Variants in AP1S1 observed in about 807,000 individuals in gnomAD.
The protein encoded by AP1S1 is adaptor related protein complex 1 subunit sigma 1, also known as AP-1 complex subunit sigma-1A.
AP1S1 carries 13 observed loss-of-function variants against 23.9 expected under a neutral mutation model. The ratio of observed to expected loss-of-function variants is 0.54; its 90% CI spans 0.35 to 0.86. The LOEUF (loss-of-function observed/expected upper bound fraction) is 0.86, where lower values mean the gene tolerates loss of function less well. AP1S1 is among the 40% of genes least tolerant of loss of function. AP1S1 has a pLI of 0.01. For synonymous variants in AP1S1, 84 were observed against 77.7 expected (o/e 1.08, Z -0.43); for missense variants, 119 against 197.6 (o/e 0.60, Z 2.38).
At chr7:101,155,700 GGAT>G (rs1385609538) in intron 1 of AP1S1, among the ~76,000 whole-genome samples, 1 of 152,200 alleles carries the variant, frequency 6.6e-6, no homozygotes, top group African/African-American at 2.4e-5. Flanking sequence ...TGGCACTGGA[GGAT>G]GATATGTTTG....
rs187503350 is a variant in AP1S1, at chr7:101,157,363, G to A, written c.183-14G>A. 1.5e-4 allele frequency: 239 copies of A among 1,549,378 alleles called. No homozygotes were observed. The highest frequency in any genetic ancestry group is 1.9e-4 in the Non-Finnish European group (221 of 1,143,786). On this transcript the variant is annotated splice_polypyrimidine_tract_variant and intron_variant, in intron 2 of 4. Transcript: ENST00000337619. ...GCAAGCTTGTAGCGATGTCTCATGC[G>A]CTCCTCTCCGCAGATATGCCAGCCT...
In AP1S1 at chr7:101,157,485, T is replaced by C; in HGVS notation, c.291T>C (p.Ser97=). 1 of 1,552,538 alleles carries C rather than the reference T, an allele frequency of 6.4e-7. No homozygotes were observed. Among genetic ancestry groups the C allele is most frequent in the Non-Finnish European group, 8.7e-7 (1 of 1,146,216 alleles). Residue 97 remains serine, a splice_region_variant and synonymous_variant, in exon 3 of 5, where the codon AGT becomes AGC. Coordinates refer to ENST00000337619, the MANE Select transcript of AP1S1 (RefSeq NM_001283.5). ...AGCTCTTAGACAAATACTTTGGCAG[T>C]GTAAGTCTCCTCTGCCCACCAGTTT... ...YVELLDKYFG[S]VCELDIIFNF...
At chr7:101,158,914 AAC>A (rs1797038971) in intron 3 of AP1S1, 143 bp from the exon 4 acceptor site, 14 of 1,106,556 alleles carry the variant, frequency 1.3e-5, no homozygotes, top group Non-Finnish European at 1.6e-5. Flanking sequence ...CTAACAAAAT[AAC>A]GAAACAAAAA....
At chr7:101,155,362 C>A (rs529767484) in intron 1 of AP1S1, among the ~76,000 whole-genome samples, 1 of 152,178 alleles carries the variant, frequency 6.6e-6, no homozygotes, top group Admixed American at 6.5e-5. Flanking sequence ...GGCCCAGACC[C>A]CCCGGAACTG....
rs1489427762 is a variant in AP1S1 at position 101,160,988 on chromosome 7, C to A, written c.*422C>A. The A allele has an allele frequency of 2.8e-6, 1 of 358,438 alleles. No homozygotes were observed. The highest frequency in any genetic ancestry group is 5.5e-6 in the Non-Finnish European group (1 of 183,432). The allele number at this position is 358,438 out of a possible 1,614,324, so 22.2% of individuals were successfully genotyped here. On this transcript the variant is annotated 3_prime_UTR_variant, in exon 5 of 5. Transcript: ENST00000337619. ...TCCACCCTCCCCCTAGCCAGCCAGGCAGCTTCTCTGCCTGGGAGGGGAGCC... is the reference window on the plus strand; with the variant it reads ...TCCACCCTCCCCCTAGCCAGCCAGGAAGCTTCTCTGCCTGGGAGGGGAGCC...
Position 101,159,151 on chromosome 7 carries a change from G to A in AP1S1, c.384G>A (p.Lys128=), listed in dbSNP as rs764957318. 1 of 1,613,724 alleles carries A rather than the reference G, an allele frequency of 6.2e-7. No individual in the cohort carries two copies. Among genetic ancestry groups the A allele is most frequent in the Non-Finnish European group, 8.5e-7 (1 of 1,179,784 alleles). ...LMGGDVQDTS[K]KSVLKAIEQA... ...GGGGGGATGTCCAGGACACCTCCAA[G>A]AAGAGTGTGCTGAAAGCCATCGAGC... is the stretch of plus-strand genomic sequence containing the variant. Residue 128 remains lysine, a synonymous_variant, in exon 4 of 5, where the codon AAG becomes AAA. Coordinates refer to ENST00000337619, the MANE Select transcript of AP1S1 (RefSeq NM_001283.5).
At position 101,160,593 on chromosome 7, in the gene AP1S1, G is replaced by T; in HGVS notation, c.*27G>T. ...CCCTGCTGGGCCGGGGTGTGGCGAT[G>T]GGGTCCTGGCAGCGTGGCGGGAACG... On this transcript the variant is annotated 3_prime_UTR_variant, in exon 5 of 5. Transcript: ENST00000337619. 1 of 1,609,286 alleles carries T rather than the reference G, an allele frequency of 6.2e-7. No individual in the cohort carries two copies.
At chr7:101,160,340 A>G (rs1797076169) in intron 4 of AP1S1, among the ~76,000 whole-genome samples, 179 bp from the exon 5 acceptor site, 1 of 151,802 alleles carries the variant, frequency 6.6e-6, no homozygotes, top group Non-Finnish European at 1.5e-5. Context: ...TGGCCCTGGG[A>G]GGCTGGTGGG....
rs1304104584 is a variant in AP1S1, at chr7:101,154,500, G to A, written c.-15G>A. 5.1e-6 allele frequency: 8 copies of A among 1,573,706 alleles called. No individual in the cohort carries two copies. Among genetic ancestry groups the A allele is most frequent in the Non-Finnish European group, 6.9e-6 (8 of 1,160,214 alleles). ...CGGTGGCCGAAGTGGGACGCGCCGAGCCGGAGGCTGCAGGATGGTAGGCTG... is the reference window on the plus strand; with the variant it reads ...CGGTGGCCGAAGTGGGACGCGCCGAACCGGAGGCTGCAGGATGGTAGGCTG... On this transcript the variant is annotated 5_prime_UTR_variant, in exon 1 of 5. Coordinates refer to ENST00000337619, the MANE Select transcript of AP1S1 (RefSeq NM_001283.5).
chr7:101,154,558 C>A, intron 1 of AP1S1, 41 bp downstream of exon 1: 1 of 1,527,866 alleles, frequency 6.5e-7, no homozygotes. Flanking sequence ...AAGCGAGGGG[C>A]GTGGGCTGCA....
At chr7:101,157,350 C>T (rs760845051) in intron 2 of AP1S1, 27 bp from the exon 3 acceptor site, 18 of 1,483,684 alleles carry the variant, frequency 1.2e-5, no homozygotes, top group Middle Eastern at 3.9e-4. Flanking sequence ...AAGCTTGTAG[C>T]GATGTCTCAT....
At chr7:101,159,333 G>A (rs1245889969) in intron 4 of AP1S1, 137 bp downstream of exon 4, 10 of 1,289,608 alleles carry the variant, frequency 7.8e-6, no homozygotes, top group Middle Eastern at 5.3e-4. Flanking sequence ...CCCCCACCAC[G>A]CCCAGCTCTC....
chr7:101,156,781 C>A lies in AP1S1; in HGVS notation c.182+9C>A, dbSNP rs1796998820. On this transcript the variant is annotated intron_variant, in intron 2 of 4. Coordinates refer to ENST00000337619, the MANE Select transcript of AP1S1 (RefSeq NM_001283.5). ...AAAGTTGTCTATAAGAGGTGACTCCCCACCTACTTTCAGACCTGCCTAGAT... is the reference window on the plus strand; with the variant it reads ...AAAGTTGTCTATAAGAGGTGACTCCACACCTACTTTCAGACCTGCCTAGAT... The A allele has an allele frequency of 6.5e-7, 1 of 1,530,260 alleles. No individual in the cohort carries two copies. Among genetic ancestry groups the A allele is most frequent in the South Asian group, 1.2e-5 (1 of 80,582 alleles). The allele number at this position is 1,530,260 out of a possible 1,614,324, so 94.8% of individuals were successfully genotyped here.
rs1218006717 is a variant in AP1S1, at chr7:101,160,648, C to T, written c.*82C>T. The T allele has an allele frequency of 6.6e-7, 1 of 1,517,106 alleles. No individual in the cohort carries two copies. Among genetic ancestry groups the T allele is most frequent in the East Asian group, 2.3e-5 (1 of 44,270 alleles). 94.0% of individuals were successfully genotyped at this position (1,517,106 alleles called of 1,614,324 possible). The stretch of plus-strand genomic sequence containing the variant: ...CTTCTCCTCTGCCCAGGGCCCTGTT[C>T]TTGGTGGGACTCGGCTGCCCCTCCT... On this transcript the variant is annotated 3_prime_UTR_variant, in exon 5 of 5. Coordinates refer to ENST00000337619, the MANE Select transcript of AP1S1 (RefSeq NM_001283.5).
At chr7:101,160,204 C>T (rs1797073520) in intron 4 of AP1S1, among the ~76,000 whole-genome samples, 1 of 151,958 alleles carries the variant, frequency 6.6e-6, no homozygotes, top group Non-Finnish European at 1.5e-5. Context: ...CTTGTCCCGG[C>T]TTCACTCCCT....
At chr7:101,154,629 C>T (rs1357029454) in intron 1 of AP1S1, 112 bp downstream of exon 1, 17 of 1,408,060 alleles carry the variant, frequency 1.2e-5, no homozygotes, top group South Asian at 1.4e-5. Flanking sequence ...CTCTGGTCCT[C>T]AGAGGCCTCC....
At chr7:101,154,763 T>C (rs1796963937) in intron 1 of AP1S1, 2 of 628,664 alleles carry the variant, frequency 3.2e-6, no homozygotes, top group Admixed American at 3.9e-5. Context: ...GGCGGGGCCG[T>C]CCCGAGCCGG....
chr7:101,155,863 A>C (rs1263054334), intron 1 of AP1S1, among the ~76,000 whole-genome samples: 1 of 152,156 alleles, frequency 6.6e-6, no homozygotes, highest in Non-Finnish European at 1.5e-5. Context: ...TCGTCTTGTC[A>C]CTGTGCTAGG....
At chr7:101,154,714 G>T in intron 1 of AP1S1, 197 bp downstream of exon 1, 1 of 703,504 alleles carries the variant, frequency 1.4e-6, no homozygotes, top group Non-Finnish European at 2.1e-6. Context: ...GGCGGGGAGG[G>T]GGCGCATTTG....
Sources: allele counts gnomAD v4.1 joint callset (sites outside exome capture counted in the v4.1 genomes callset), GRCh38; gene constraint gnomAD v4.1.1; transcripts MANE v1.5; gene names NCBI Gene and HGNC (gene_info 2026-07-23, HGNC 2026-07-21).